CERS6: variants seen among roughly 807,000 people sequenced by gnomAD.
The protein encoded by CERS6 is ceramide synthase 6, also known as LAG1 homolog, ceramide synthase 6.
A neutral mutation model predicts 56.8 loss-of-function variants in CERS6; 26 were observed. The observed-to-expected ratio is 0.46, with a 90% CI of 0.34 to 0.63. The LOEUF (loss-of-function observed/expected upper bound fraction) is 0.63. CERS6 is among the 30% of genes least tolerant of loss of function. The probability of loss-of-function intolerance (pLI) is 0.01; values close to 1 mark genes in which losing one functional copy is unlikely to be tolerated. For synonymous variants in CERS6, 164 were observed against 173.3 expected, an observed-to-expected ratio of 0.95 and a Z score of 0.42; for missense variants, 415 against 467.5, an observed-to-expected ratio of 0.89 and a Z score of 1.04.
At chr2:168,488,390 A>G (rs1197532919) in intron 1 of CERS6, among the ~76,000 whole-genome samples, 1 of 152,148 alleles carries the variant, frequency 6.6e-6, no homozygotes, top group Non-Finnish European at 1.5e-5. Context: ...GTATTAATAG[A>G]TTTATTTTGA....
At chr2:168,549,976 T>G (rs1006204459) in intron 2 of CERS6, among the ~76,000 whole-genome samples, 2 of 152,088 alleles carry the variant, frequency 1.3e-5, no homozygotes, top group African/African-American at 4.8e-5. Context: ...AAGGGCATGA[T>G]TATAATCCTT....
chr2:168,572,167 C>G (rs1413680123), intron 3 of CERS6, among the ~76,000 whole-genome samples: 2 of 152,150 alleles, frequency 1.3e-5, no homozygotes, highest in African/African-American at 2.4e-5. Flanking sequence ...TCCTGTATGC[C>G]TTTAGCCACA....
chr2:168,462,350 A>G (rs1351291187), intron 1 of CERS6, among the ~76,000 whole-genome samples: 2 of 152,102 alleles, frequency 1.3e-5, no homozygotes, highest in Non-Finnish European at 2.9e-5. Context: ...ATTGCCTCGT[A>G]TAGCACAGTG....
intron 6 of CERS6, among the ~76,000 whole-genome samples, chr2:168,714,728 G>T (rs1467458532): frequency 9.9e-5 from 15 of 152,254 alleles, no homozygotes; most frequent in African/African-American, 3.6e-4. Flanking sequence ...TGATGACACA[G>T]CTAGAAGTCA....
intron 6 of CERS6, among the ~76,000 whole-genome samples, chr2:168,702,943 T>C (rs1686840397): frequency 6.6e-6 from 1 of 152,218 alleles, no homozygotes; most frequent in Non-Finnish European, 1.5e-5. Context: ...TACACAGTTA[T>C]GAGAATCCAA....
chr2:168,562,131 C>G (rs1157092435), intron 3 of CERS6, among the ~76,000 whole-genome samples: 2 of 152,164 alleles, frequency 1.3e-5, no homozygotes, highest in Non-Finnish European at 2.9e-5. Context: ...TTCCTGACGT[C>G]TGGTCATTTA....
chr2:168,713,903 A>C (rs1687161464), intron 6 of CERS6, among the ~76,000 whole-genome samples: 1 of 152,164 alleles, frequency 6.6e-6, no homozygotes, highest in South Asian at 2.1e-4. Flanking sequence ...TGCACATTCC[A>C]AGAAATCTGA....
intron 4 of CERS6, among the ~76,000 whole-genome samples, chr2:168,647,407 G>A (rs1228216712): frequency 6.6e-6 from 1 of 152,140 alleles, no homozygotes. Flanking sequence ...AGCTGAAAGA[G>A]CTTTTGGGCC....
At chr2:168,545,219 T>C (rs1695444757) in intron 1 of CERS6, among the ~76,000 whole-genome samples, 1 of 152,116 alleles carries the variant, frequency 6.6e-6, no homozygotes, top group South Asian at 2.1e-4. Flanking sequence ...ATGAGGAGAT[T>C]AAGGCAGAGA....
chr2:168,564,862 A>G (rs1375788972), intron 3 of CERS6, among the ~76,000 whole-genome samples: 1 of 152,186 alleles, frequency 6.6e-6, no homozygotes, highest in Non-Finnish European at 1.5e-5. Context: ...TATCTATTTC[A>G]ATTCCAATTC....
At chr2:168,512,137 A>G (rs1036859081) in intron 1 of CERS6, among the ~76,000 whole-genome samples, 5 of 152,222 alleles carry the variant, frequency 3.3e-5, no homozygotes, top group Non-Finnish European at 7.3e-5. Flanking sequence ...AGTCAGATTC[A>G]TAGAGACAGA....
rs143315016 is a variant in CERS6, at chr2:168,738,208, G to A, written c.845+20230G>A. On this transcript the variant is annotated intron_variant, in intron 8 of 9. Transcript: ENST00000305747. Reference sequence around the variant, plus strand: ...CCCTCTGTGACAAATGAAGCTGGGCGTGGTAGTCCAGGCCTTGCTTTCTGC... The same window carrying A: ...CCCTCTGTGACAAATGAAGCTGGGCATGGTAGTCCAGGCCTTGCTTTCTGC... Among the ~76,000 whole-genome samples the A allele has an allele frequency of 3.1e-3, 466 of 152,332 alleles. 2 individuals are homozygous for A. Among genetic ancestry groups the A allele is most frequent in the African/African-American group, 0.011 (438 of 41,562 alleles).
intron 4 of CERS6, among the ~76,000 whole-genome samples, chr2:168,658,117 C>G (rs936788829): frequency 1.3e-5 from 2 of 152,234 alleles, no homozygotes; most frequent in Non-Finnish European, 2.9e-5. Context: ...CTAAACTTCT[C>G]TGTGCCTCAG....
chr2:168,689,998 G>A (rs1686457784), intron 4 of CERS6, among the ~76,000 whole-genome samples: 1 of 152,008 alleles, frequency 6.6e-6, no homozygotes, highest in South Asian at 2.1e-4. Flanking sequence ...CACAGACTCG[G>A]GGCCTCCATT....
At chr2:168,463,689 C>T (rs1304707078) in intron 1 of CERS6, among the ~76,000 whole-genome samples, 1 of 152,168 alleles carries the variant, frequency 6.6e-6, no homozygotes, top group Non-Finnish European at 1.5e-5. Flanking sequence ...GGTTGGATTG[C>T]TTGAGCCCAG....
intron 8 of CERS6, among the ~76,000 whole-genome samples, chr2:168,739,933 C>T (rs995338309): frequency 6.6e-6 from 1 of 152,072 alleles, no homozygotes; most frequent in Admixed American, 6.5e-5. Flanking sequence ...TGGTCTCGAA[C>T]TCCTGACCTC....
At chr2:168,519,422 A>G (rs1694939614) in intron 1 of CERS6, among the ~76,000 whole-genome samples, 1 of 152,086 alleles carries the variant, frequency 6.6e-6, no homozygotes, top group Admixed American at 6.6e-5. Flanking sequence ...GTTTTGTTGC[A>G]TGGGTCTATT....
chr2:168,653,967 T>C (rs112456293), intron 4 of CERS6, among the ~76,000 whole-genome samples: 5,204 of 152,290 alleles, frequency 0.034, 237 homozygotes, highest in African/African-American at 0.1. Flanking sequence ...TTCTGTAATG[T>C]GTCTCCCTCA....
intron 8 of CERS6, among the ~76,000 whole-genome samples, chr2:168,741,268 T>C (rs1683893540): frequency 1.3e-5 from 2 of 152,058 alleles, no homozygotes; most frequent in Admixed American, 6.6e-5. Context: ...AGTGGTGTTA[T>C]TTTGAATAGG....
Sources: allele counts gnomAD v4.1 joint callset (sites outside exome capture counted in the v4.1 genomes callset), GRCh38; gene constraint gnomAD v4.1.1; transcripts MANE v1.5; gene names NCBI Gene and HGNC (gene_info 2026-07-23, HGNC 2026-07-21).